The following SLIT1 variants were observed in gnomAD, a reference collection of about 807,000 sequenced individuals.
SLIT1 encodes the protein slit homolog 1 protein.
A neutral mutation model predicts 186.1 loss-of-function variants in SLIT1; 66 were observed. That is an observed-to-expected ratio of 0.35 (90% CI 0.29 to 0.44). The LOEUF (loss-of-function observed/expected upper bound fraction) is 0.44. Ranked by LOEUF, SLIT1 falls within the 20% of genes least tolerant of loss-of-function variation. SLIT1 has a pLI of 1.00. For synonymous variants in SLIT1, 761 were observed against 833.8 expected (o/e 0.91, Z 1.50); for missense variants, 1,638 against 2,037.4 (o/e 0.80, Z 3.77).
rs188533271 is a variant in SLIT1, at chr10:97,065,936, G to A, written c.485+79C>T. On this transcript the variant is annotated intron_variant, in intron 5 of 36. Coordinates refer to ENST00000266058, the MANE Select transcript of SLIT1 (RefSeq NM_003061.3). ...CCTGGCTGCCTGGACCACACGGCTCGCTCAGGGATACCCTGAGGATGCTGC... is the reference window on the plus strand; with the variant it reads ...CCTGGCTGCCTGGACCACACGGCTCACTCAGGGATACCCTGAGGATGCTGC... 9.1e-4 allele frequency: 986 copies of A among 1,080,462 alleles called. 12 individuals are homozygous for A. In the Middle Eastern group the frequency reaches 9.2e-3, roughly 10 times the overall value. The allele number at this position is 1,080,462 out of a possible 1,614,324, so 66.9% of individuals were successfully genotyped here.
intron 4 of SLIT1, among the ~76,000 whole-genome samples, chr10:97,088,528 G>T (rs1849192471): frequency 6.6e-6 from 1 of 152,238 alleles, no homozygotes; most frequent in African/African-American, 2.4e-5. Flanking sequence ...GCTTTGGGCA[G>T]AGAGGGCTTT....
At chr10:97,164,065 C>G (rs1397170483) in intron 2 of SLIT1, among the ~76,000 whole-genome samples, 1 of 152,264 alleles carries the variant, frequency 6.6e-6, no homozygotes, top group Non-Finnish European at 1.5e-5. Context: ...ACTGAACCAC[C>G]TGGCTCTGTG....
chr10:97,140,436 G>A (rs528302392), intron 4 of SLIT1, among the ~76,000 whole-genome samples: 1 of 152,270 alleles, frequency 6.6e-6, no homozygotes, highest in South Asian at 2.1e-4. Flanking sequence ...AGAGCCTTTA[G>A]TAAAACAAAC....
chr10:97,059,691 G>A (rs944045991), intron 10 of SLIT1, 160 bp from the exon 11 acceptor site: 4 of 669,900 alleles, frequency 6.0e-6, no homozygotes, highest in African/African-American at 5.3e-5. Flanking sequence ...AAAAGCCCAT[G>A]GCCGCTATTT....
At position 97,002,651 on chromosome 10, in the gene SLIT1, G is replaced by A. The variant is rs536261594; in HGVS notation, c.4154+53C>T. 50 of 1,454,120 alleles carry A rather than the reference G, an allele frequency of 3.4e-5. 2 individuals are homozygous for A. The South Asian group carries it at 6.1e-4, about 18-fold the overall frequency. The allele number at this position is 1,454,120 out of a possible 1,614,324, so 90.1% of individuals were successfully genotyped here. ...AAAACTGTGAGGCAGCCCTTCCCAT[G>A]GGGAAGGAACAGGTAGGCAGGGGCA... On this transcript the variant is annotated intron_variant, in intron 35 of 36. Transcript: ENST00000266058.
At chr10:97,175,085 A>G (rs950418239) in intron 1 of SLIT1, among the ~76,000 whole-genome samples, 3 of 152,124 alleles carry the variant, frequency 2.0e-5, no homozygotes, top group African/African-American at 7.2e-5. Flanking sequence ...TTGCTCTTCT[A>G]CCTTCTGTCT....
intron 4 of SLIT1, among the ~76,000 whole-genome samples, chr10:97,150,434 G>A (rs964234692): frequency 6.6e-6 from 1 of 152,154 alleles, no homozygotes; most frequent in Non-Finnish European, 1.5e-5. Context: ...TTGAGACAGG[G>A]TCGATAGGGT....
chr10:97,034,458 T>C lies in SLIT1; in HGVS notation c.2438+13A>G, dbSNP rs753286445. 6.8e-6 allele frequency: 11 copies of C among 1,606,646 alleles called. No individual in the cohort carries two copies. Among genetic ancestry groups the C allele is most frequent in the Non-Finnish European group, 9.4e-6 (11 of 1,173,344 alleles). ...GCCCCGGGGCCCCCCACCCCAGCCC[T>C]GCTGGGACTCACAGAGTGGTCAGCT... On this transcript the variant is annotated intron_variant, in intron 23 of 36. Coordinates refer to ENST00000266058, the MANE Select transcript of SLIT1 (RefSeq NM_003061.3).
At chr10:97,176,670 C>G (rs1280492296) in intron 1 of SLIT1, among the ~76,000 whole-genome samples, 1 of 152,188 alleles carries the variant, frequency 6.6e-6, no homozygotes, top group African/African-American at 2.4e-5. Flanking sequence ...CCTCCTCAGA[C>G]AGACTGAATG....
chr10:97,027,682 T>A (rs1848557805), intron 25 of SLIT1, among the ~76,000 whole-genome samples: 1 of 152,242 alleles, frequency 6.6e-6, no homozygotes, highest in Non-Finnish European at 1.5e-5. Context: ...CTAAAGAAAG[T>A]CTTAATTTAT....
chr10:97,060,544 G>T, intron 9 of SLIT1, 96 bp downstream of exon 9: 1 of 1,482,290 alleles, frequency 6.7e-7, no homozygotes. Flanking sequence ...GTTGGGGCAA[G>T]CCCTGAGGCA....
chr10:97,138,970 A>G (rs1382202922), intron 4 of SLIT1, among the ~76,000 whole-genome samples: 1 of 152,126 alleles, frequency 6.6e-6, no homozygotes, highest in African/African-American at 2.4e-5. Context: ...ACCAGTCAAC[A>G]CTCTGCCTAA....
chr10:97,034,551 G>C lies in SLIT1; in HGVS notation c.2367-9C>G, dbSNP rs775399711. 1 of 1,611,942 alleles carries C rather than the reference G, an allele frequency of 6.2e-7. No individual in the cohort carries two copies. The highest frequency in any genetic ancestry group is 1.7e-5 in the Admixed American group (1 of 60,012). ...TGTTGTTGCTCAGGTCCCTGGAAAAGGCAAAGGCATCATGATTTAGAAAGA... is the reference window on the plus strand; with the variant it reads ...TGTTGTTGCTCAGGTCCCTGGAAAACGCAAAGGCATCATGATTTAGAAAGA... On this transcript the variant is annotated splice_polypyrimidine_tract_variant and intron_variant, in intron 22 of 36. Coordinates refer to ENST00000266058, the MANE Select transcript of SLIT1 (RefSeq NM_003061.3).
rs766253498 is a variant in SLIT1, at chr10:97,046,974, G to A, written c.1709+17C>T. 29 of 1,598,110 alleles carry A rather than the reference G, an allele frequency of 1.8e-5. No homozygotes were observed. Among genetic ancestry groups the A allele is most frequent in the South Asian group, 2.2e-5 (2 of 90,660 alleles). ...CCAGCATCCCAACAGACACCTTCTCGCCAATGGGTAACTCACATTTTCTTC... is the reference window on the plus strand; with the variant it reads ...CCAGCATCCCAACAGACACCTTCTCACCAATGGGTAACTCACATTTTCTTC... On this transcript the variant is annotated intron_variant, in intron 17 of 36. Coordinates refer to ENST00000266058, the MANE Select transcript of SLIT1 (RefSeq NM_003061.3).
chr10:97,165,422 A>G (rs1442106983), intron 1 of SLIT1, among the ~76,000 whole-genome samples: 1 of 152,174 alleles, frequency 6.6e-6, no homozygotes, highest in Non-Finnish European at 1.5e-5. Context: ...AGCAGGAGAC[A>G]GCAGAGAGGG....
rs144905043 is a variant in SLIT1 at position 97,047,794 on chromosome 10, G to C, written c.1530C>G (p.Asp510Glu). 1 of 1,614,106 alleles carries C rather than the reference G, an allele frequency of 6.2e-7. No individual in the cohort carries two copies. The highest frequency in any genetic ancestry group is 1.1e-5 in the South Asian group (1 of 91,084). Residue 510 changes from aspartate to glutamate, a missense_variant, in exon 16 of 37, where the codon GAC becomes GAG. Coordinates refer to ENST00000266058, the MANE Select transcript of SLIT1 (RefSeq NM_003061.3). The part of the protein sequence containing the change: ...DYQLNSECNS[D>E]VVCPHKCRCE... ...AGCGGCACTTGTGGGGACAGACCACGTCGCTGTTGCACTCGCTGTTCAGCT... is the reference window on the plus strand; with the variant it reads ...AGCGGCACTTGTGGGGACAGACCACCTCGCTGTTGCACTCGCTGTTCAGCT...
chr10:97,036,549 G>T (rs185927268), intron 22 of SLIT1, among the ~76,000 whole-genome samples: 6 of 152,318 alleles, frequency 3.9e-5, no homozygotes, highest in African/African-American at 1.4e-4. Context: ...CTTAGTTTAC[G>T]CGAACATTGT....
At chr10:97,105,352 T>C (rs575867274) in intron 4 of SLIT1, among the ~76,000 whole-genome samples, 4 of 152,332 alleles carry the variant, frequency 2.6e-5, no homozygotes, top group Non-Finnish European at 5.9e-5. Context: ...CGGGGCTGCC[T>C]GGCCACACTC....
chr10:97,054,601 C>T (rs1848821018), intron 13 of SLIT1, among the ~76,000 whole-genome samples: 1 of 152,104 alleles, frequency 6.6e-6, no homozygotes, highest in African/African-American at 2.4e-5. Flanking sequence ...ACGGGAAGTC[C>T]ACAATCCCAT....
Sources: gnomAD v4.1 joint callset for allele counts (sites outside exome capture counted in the v4.1 genomes callset) on GRCh38, gnomAD v4.1.1 for gene constraint, MANE v1.5 for transcripts, NCBI Gene and HGNC (gene_info 2026-07-23, HGNC 2026-07-21) for gene names.